Variants in SPOPL observed in about 807,000 individuals in gnomAD.
SPOPL encodes the protein speckle type BTB/POZ protein like, also known as speckle-type POZ protein-like.
Under a neutral mutation model 53.8 loss-of-function variants are expected in SPOPL, and 23 were observed. That is an observed-to-expected ratio of 0.43 (90% CI 0.31 to 0.61). The LOEUF is 0.61. Among genes scored for constraint, SPOPL ranks in the 20% least tolerant of loss-of-function variants. The probability of loss-of-function intolerance (pLI) is 0.12; values close to 1 mark genes in which losing one functional copy is unlikely to be tolerated. For synonymous variants in SPOPL, 164 were observed against 149.7 expected, an observed-to-expected ratio of 1.10 and a Z score of -0.70; for missense variants, 442 against 466.9, an observed-to-expected ratio of 0.95 and a Z score of 0.49.
chr2:138,568,984 G>T lies in SPOPL; in HGVS notation c.1083G>T (p.Gln361His). The change falls in exon 11 of 11, where the codon CAG becomes CAT. Residue 361 changes from glutamine to histidine, a missense_variant. Gln to His is a conservative substitution (Grantham distance 24, BLOSUM62 0). Coordinates refer to ENST00000280098, the MANE Select transcript of SPOPL (RefSeq NM_001001664.3). ...CATCAGGGTGGAAGTCCATGATTCA[G>T]TCTCACCCTCATTTAGTAGCAGAAG... ...METSGWKSMIQSHPHLVAEAF... is the reference protein window; with the variant it reads ...METSGWKSMIHSHPHLVAEAF... 1 of 1,614,052 alleles carries T rather than the reference G, an allele frequency of 6.2e-7. No homozygotes were observed. The highest frequency in any genetic ancestry group is 8.5e-7 in the Non-Finnish European group (1 of 1,179,924).
At chr2:138,531,606 A>T (rs1433411960) in intron 1 of SPOPL, among the ~76,000 whole-genome samples, 1 of 151,868 alleles carries the variant, frequency 6.6e-6, no homozygotes, top group East Asian at 1.9e-4. Context: ...TAATACCTAT[A>T]TTTTTTTCTC....
chr2:138,518,074 AAAAG>A (rs1472138738), intron 1 of SPOPL, among the ~76,000 whole-genome samples: 1 of 151,432 alleles, frequency 6.6e-6, no homozygotes, highest in Non-Finnish European at 1.5e-5. Flanking sequence ...AAGAAAAGGA[AAAAG>A]AAATTCTGAC....
At chr2:138,509,207 G>A (rs1573865067) in intron 1 of SPOPL, among the ~76,000 whole-genome samples, 2 of 152,032 alleles carry the variant, frequency 1.3e-5, no homozygotes, top group Admixed American at 1.3e-4. Context: ...TCTGCAATAC[G>A]AATATATTTA....
chr2:138,521,075 C>T (rs1343645176), intron 1 of SPOPL, among the ~76,000 whole-genome samples: 1 of 152,090 alleles, frequency 6.6e-6, no homozygotes, highest in Non-Finnish European at 1.5e-5. Flanking sequence ...TCCAGAATAT[C>T]TTTAATATGT....
At chr2:138,513,578 T>A (rs529114000) in intron 1 of SPOPL, among the ~76,000 whole-genome samples, 3 of 151,380 alleles carry the variant, frequency 2.0e-5, no homozygotes, top group African/African-American at 7.3e-5. Context: ...AAAATAAAAT[T>A]AAAAAATTAG....
At chr2:138,550,827 T>TCTC (rs1685299146) in intron 3 of SPOPL, 76 bp from the exon 4 acceptor site, 12 of 1,368,348 alleles carry the variant, frequency 8.8e-6, no homozygotes, top group Middle Eastern at 2.6e-4. Context: ...CTCTCTCTCT[T>TCTC]TCTCTCTCTC....
intron 1 of SPOPL, among the ~76,000 whole-genome samples, chr2:138,511,996 T>A (rs59092566): frequency 0.012 from 1,773 of 152,332 alleles, 39 homozygotes; most frequent in African/African-American, 0.04. Context: ...ATGAGTTGTA[T>A]ATACATTTAT....
rs1306128171 is a variant in SPOPL at position 138,501,781 on chromosome 2, C to CGGGCTGGAGCCG, written c.-389_-378dup. ...CCGCCGCCGCGCGCACGCGCCCTCG[C>CGGGCTGGAGCCG]GGGCTGGAGCCGGGGCTGGAGTCGT... On this transcript the variant is annotated 5_prime_UTR_variant, in exon 1 of 11. Coordinates refer to ENST00000280098, the MANE Select transcript of SPOPL (RefSeq NM_001001664.3). 2.0e-5 allele frequency: 3 copies of CGGGCTGGAGCCG among 148,582 alleles called. No homozygotes were observed. The highest frequency in any genetic ancestry group is 7.5e-5 in the African/African-American group (3 of 39,916). 9.2% of individuals were successfully genotyped at this position (148,582 alleles called of 1,614,324 possible).
Position 138,551,006 on chromosome 2 carries a change from T to A in SPOPL, c.304T>A (p.Phe102Ile). ...SCPKSEVRAKFKFSLLNAKRE... is the reference protein window; with the variant it reads ...SCPKSEVRAKIKFSLLNAKRE... ...CCCCAAAAGTGAAGTTCGAGCAAAA[T>A]TCAAATTTTCCCTTCTGAATGCTAA... is the stretch of plus-strand genomic sequence containing the variant. The change falls in exon 4 of 11, where the codon TTC becomes ATC. Residue 102 changes from phenylalanine (F) to isoleucine (I), a missense_variant. Coordinates refer to ENST00000280098, the MANE Select transcript of SPOPL (RefSeq NM_001001664.3). The A allele has an allele frequency of 6.2e-7, 1 of 1,613,456 alleles. No individual in the cohort carries two copies. The highest frequency in any genetic ancestry group is 8.5e-7 in the Non-Finnish European group (1 of 1,179,582).
intron 1 of SPOPL, among the ~76,000 whole-genome samples, chr2:138,545,558 C>G (rs903967041): frequency 2.6e-5 from 4 of 151,782 alleles, no homozygotes; most frequent in African/African-American, 9.7e-5. Context: ...CTCAGCCTCC[C>G]GAGTAGCTGG....
chr2:138,547,517 C>A (rs1212880732), intron 1 of SPOPL, among the ~76,000 whole-genome samples: 1 of 151,776 alleles, frequency 6.6e-6, no homozygotes, highest in African/African-American at 2.4e-5. Flanking sequence ...TTCAATTTAC[C>A]TTCTACCCCA....
intron 1 of SPOPL, among the ~76,000 whole-genome samples, chr2:138,544,455 G>A (rs1435785063): frequency 3.9e-5 from 6 of 152,298 alleles, no homozygotes; most frequent in East Asian, 3.9e-4. Context: ...CCCCAGCCTC[G>A]CTGCCGCCTT....
At chr2:138,564,644 G>A (rs2104905919) in intron 8 of SPOPL, 64 bp from the exon 9 acceptor site, 3 of 1,558,820 alleles carry the variant, frequency 1.9e-6, no homozygotes, top group Non-Finnish European at 8.7e-7. Context: ...AGTTGCAAAT[G>A]TATCATGTAT....
At chr2:138,523,758 C>T (rs116029164) in intron 1 of SPOPL, among the ~76,000 whole-genome samples, 1,625 of 152,314 alleles carry the variant, frequency 0.011, 32 homozygotes, top group African/African-American at 0.037. Flanking sequence ...GACTCCATGT[C>T]TTGAATCCAG....
intron 1 of SPOPL, among the ~76,000 whole-genome samples, chr2:138,520,720 T>C (rs1290978631): frequency 6.6e-6 from 1 of 152,090 alleles, no homozygotes; most frequent in Non-Finnish European, 1.5e-5. Flanking sequence ...AATGATTTTT[T>C]AAAAAAAGAA....
At chr2:138,522,324 G>C (rs1222213340) in intron 1 of SPOPL, among the ~76,000 whole-genome samples, 1 of 152,098 alleles carries the variant, frequency 6.6e-6, no homozygotes. Context: ...AAACCTGTCA[G>C]ACTTTGAAGG....
intron 1 of SPOPL, among the ~76,000 whole-genome samples, chr2:138,539,436 GCC>G (rs1685013746): frequency 6.7e-6 from 1 of 148,762 alleles, no homozygotes; most frequent in Non-Finnish European, 1.5e-5. Context: ...TTTAATGATC[GCC>G]ATTCTAACTG....
chr2:138,505,357 A>G (rs1261851915), intron 1 of SPOPL, among the ~76,000 whole-genome samples: 2 of 152,152 alleles, frequency 1.3e-5, no homozygotes, highest in Admixed American at 6.5e-5. Context: ...TTAACTTAAC[A>G]AAAGTTTATT....
intron 1 of SPOPL, among the ~76,000 whole-genome samples, chr2:138,519,642 A>T (rs1684515630): frequency 6.6e-6 from 1 of 152,106 alleles, no homozygotes; most frequent in Non-Finnish European, 1.5e-5. Flanking sequence ...CAAAACAGAC[A>T]TAAAATTATG....
Sources: gnomAD v4.1 joint callset for allele counts (sites outside exome capture counted in the v4.1 genomes callset) on GRCh38, gnomAD v4.1.1 for gene constraint, MANE v1.5 for transcripts, NCBI Gene and HGNC (gene_info 2026-07-23, HGNC 2026-07-21) for gene names.